RABGAP1L: variants seen among roughly 807,000 people sequenced by gnomAD.
RABGAP1L encodes the protein rab GTPase-activating protein 1-like.
A neutral mutation model predicts 137.7 loss-of-function variants in RABGAP1L; 63 were observed. The ratio of observed to expected loss-of-function variants is 0.46; its 90% CI spans 0.37 to 0.56. The LOEUF (loss-of-function observed/expected upper bound fraction) is 0.56, where lower values mean the gene tolerates loss of function less well. Among genes scored for constraint, RABGAP1L ranks in the 20% least tolerant of loss-of-function variants. The pLI is 0.00. For synonymous variants in RABGAP1L, 431 were observed against 433.7 expected, an observed-to-expected ratio of 0.99 and a Z score of 0.08; for missense variants, 1,095 against 1,244.0, an observed-to-expected ratio of 0.88 and a Z score of 1.80.
intron 13 of RABGAP1L, among the ~76,000 whole-genome samples, chr1:174,444,085 A>T (rs932486028): frequency 6.6e-6 from 1 of 151,638 alleles, no homozygotes; most frequent in African/African-American, 2.4e-5. Context: ...ATAACTTTGT[A>T]GTGTATTTGG....
In RABGAP1L at chr1:174,263,148, G is replaced by A. The variant is rs529508309; in HGVS notation, c.987-9266G>A. ...CCCTGCCAGTGAGCTGACTCTGGAA[G>A]CCCTGATTTCCTTTGCCCACCTGCC... On this transcript the variant is annotated intron_variant, in intron 7 of 25. Coordinates refer to ENST00000681986, the MANE Select transcript of RABGAP1L (RefSeq NM_001366446.1). Among the ~76,000 whole-genome samples, 5 of 152,310 alleles carry A rather than the reference G, an allele frequency of 3.3e-5. No individual in the cohort carries two copies. In the South Asian group the frequency reaches 1.0e-3, roughly 32 times the overall value.
intron 17 of RABGAP1L, among the ~76,000 whole-genome samples, chr1:174,749,709 A>G (rs77490353): frequency 6.6e-6 from 1 of 152,236 alleles, no homozygotes; most frequent in African/African-American, 2.4e-5. Context: ...GAGGCAATAA[A>G]TGGCAAATGT....
intron 10 of RABGAP1L, among the ~76,000 whole-genome samples, chr1:174,280,309 G>A (rs1042335441): frequency 6.6e-6 from 1 of 152,166 alleles, no homozygotes; most frequent in Non-Finnish European, 1.5e-5. Flanking sequence ...ATTACCTAAT[G>A]CAATTCAAAG....
chr1:174,459,707 C>G (rs1656453783), intron 13 of RABGAP1L, among the ~76,000 whole-genome samples: 1 of 151,948 alleles, frequency 6.6e-6, no homozygotes, highest in Admixed American at 6.6e-5. Flanking sequence ...TGAATATTTT[C>G]AAGCAGTGGT....
At chr1:174,766,608 GT>G (rs1239806628) in intron 18 of RABGAP1L, among the ~76,000 whole-genome samples, 1 of 152,192 alleles carries the variant, frequency 6.6e-6, no homozygotes, top group African/African-American at 2.4e-5. Context: ...TTTAGGATCA[GT>G]TTGTCAGTTT....
At chr1:174,709,423 A>G (rs1572879895) in intron 17 of RABGAP1L, among the ~76,000 whole-genome samples, 1 of 152,168 alleles carries the variant, frequency 6.6e-6, no homozygotes, top group African/African-American at 2.4e-5. Flanking sequence ...CATACAGAAG[A>G]GCTCTGGCTG....
Position 174,336,088 on chromosome 1 carries a change from G to A in RABGAP1L, c.1465+30961G>A, listed in dbSNP as rs535872561. Among the ~76,000 whole-genome samples the A allele has an allele frequency of 7.2e-5, 11 of 152,208 alleles. No individual in the cohort carries two copies. In the Middle Eastern group the frequency reaches 0.01, roughly 141 times the overall value. On this transcript the variant is annotated intron_variant, in intron 11 of 25. Transcript: ENST00000681986. ...AAAATTTTCCCCCTGAGTTGTCATA[G>A]CTTTTACTATAGAAACAAGTTTGCA...
intron 13 of RABGAP1L, among the ~76,000 whole-genome samples, chr1:174,543,774 T>TTAC (rs1665718082): frequency 6.6e-6 from 1 of 152,342 alleles, no homozygotes; most frequent in South Asian, 2.1e-4. Context: ...TCAGGAGCTC[T>TTAC]TGTAAGGCAG....
At chr1:174,852,145 A>T (rs1648471173) in intron 19 of RABGAP1L, among the ~76,000 whole-genome samples, 1 of 152,222 alleles carries the variant, frequency 6.6e-6, no homozygotes, top group African/African-American at 2.4e-5. Flanking sequence ...GTACTTTTGT[A>T]AACTTTTACC....
intron 19 of RABGAP1L, among the ~76,000 whole-genome samples, chr1:174,934,012 A>G (rs1664300833): frequency 6.6e-6 from 1 of 152,234 alleles, no homozygotes; most frequent in South Asian, 2.1e-4. Flanking sequence ...CTTACAGTTA[A>G]TAAATATTTA....
Position 174,252,726 on chromosome 1 carries a change from CTACTT to C in RABGAP1L, c.986+139_986+143del, listed in dbSNP as rs878893049. On this transcript the variant is annotated intron_variant, in intron 7 of 25. Coordinates refer to ENST00000681986, the MANE Select transcript of RABGAP1L (RefSeq NM_001366446.1). The stretch of plus-strand genomic sequence containing the variant: ...ATGAGGATAATTAATAATACTTTCT[CTACTT>C]TAACTTAGATGTAACTGGTTTCATT... The C allele has an allele frequency of 5.5e-5, 72 of 1,319,098 alleles. No homozygotes were observed. In the South Asian group the frequency reaches 6.5e-4, roughly 12 times the overall value. The allele number at this position is 1,319,098 out of a possible 1,614,324, so 81.7% of individuals were successfully genotyped here.
intron 19 of RABGAP1L, among the ~76,000 whole-genome samples, chr1:174,948,158 T>C (rs1667164411): frequency 6.6e-6 from 1 of 152,050 alleles, no homozygotes; most frequent in African/African-American, 2.4e-5. Context: ...GAGTAAGACC[T>C]CGTGTATGAT....
intron 19 of RABGAP1L, among the ~76,000 whole-genome samples, chr1:174,834,006 T>G (rs945561030): frequency 1.3e-5 from 2 of 152,114 alleles, no homozygotes; most frequent in Non-Finnish European, 2.9e-5. Flanking sequence ...TCTGGAAAAA[T>G]AGTAGACTAG....
chr1:174,992,524 G>A lies in RABGAP1L; in HGVS notation c.*2523G>A, dbSNP rs1478403938. The A allele has an allele frequency of 4.0e-5, 6 of 151,826 alleles. No individual in the cohort carries two copies. Among genetic ancestry groups the A allele is most frequent in the Admixed American group, 2.6e-4 (4 of 15,224 alleles). 9.4% of individuals were successfully genotyped at this position (151,826 alleles called of 1,614,324 possible). On this transcript the variant is annotated 3_prime_UTR_variant, in exon 26 of 26. Coordinates refer to ENST00000681986, the MANE Select transcript of RABGAP1L (RefSeq NM_001366446.1). ...TCTTTTAGCTCTTTCAAAAGATTAC[G>A]AGGGCAATACATATTTTTTTTTTTT...
At chr1:174,320,119 A>T (rs1444855342) in intron 11 of RABGAP1L, among the ~76,000 whole-genome samples, 1 of 152,150 alleles carries the variant, frequency 6.6e-6, no homozygotes, top group African/African-American at 2.4e-5. Context: ...AACAGAATGA[A>T]CGTATTTTGA....
chr1:174,737,012 T>C (rs1219292474), intron 17 of RABGAP1L, among the ~76,000 whole-genome samples: 5 of 152,192 alleles, frequency 3.3e-5, no homozygotes, highest in Non-Finnish European at 7.3e-5. Context: ...TTCAAGGCCT[T>C]TTGCCCATTG....
intron 17 of RABGAP1L, among the ~76,000 whole-genome samples, chr1:174,749,545 G>A (rs1238363761): frequency 2.6e-5 from 4 of 151,974 alleles, no homozygotes; most frequent in African/African-American, 9.7e-5. Context: ...TGTTGCCCAG[G>A]TTGGCAAAGA....
chr1:174,626,128 G>C (rs1276675307), intron 13 of RABGAP1L, among the ~76,000 whole-genome samples: 1 of 152,132 alleles, frequency 6.6e-6, no homozygotes, highest in African/African-American at 2.4e-5. Flanking sequence ...CCCCAGTTGG[G>C]ACAATGAACA....
intron 13 of RABGAP1L, among the ~76,000 whole-genome samples, chr1:174,530,789 T>G (rs551937779): frequency 7.0e-6 from 1 of 143,440 alleles, no homozygotes; most frequent in South Asian, 2.3e-4. Context: ...ACCAAGATTT[T>G]TATACATACA....
Sources: allele counts gnomAD v4.1 joint callset (sites outside exome capture counted in the v4.1 genomes callset), GRCh38; gene constraint gnomAD v4.1.1; transcripts MANE v1.5; gene names NCBI Gene and HGNC (gene_info 2026-07-23, HGNC 2026-07-21).